Variants in PDE4D observed in about 807,000 individuals in gnomAD.
PDE4D encodes the protein phosphodiesterase 4D.
PDE4D carries 24 observed loss-of-function variants against 87.4 expected under a neutral mutation model. The ratio of observed to expected loss-of-function variants is 0.27; its 90% confidence interval spans 0.20 to 0.39. PDE4D has a LOEUF of 0.39. Among genes scored for constraint, PDE4D ranks in the 10% least tolerant of loss-of-function variants. The probability of loss-of-function intolerance (pLI) is 1.00; values close to 1 mark genes in which losing one functional copy is unlikely to be tolerated. For missense variants in PDE4D, 714 were observed against 1,041.0 expected, an observed-to-expected ratio of 0.69 and a Z score of 4.32; for synonymous variants, 384 against 383.2, an observed-to-expected ratio of 1.00 and a Z score of -0.02.
At chr5:59,885,851 G>GT (rs904315952) in intron 1 of PDE4D, among the ~76,000 whole-genome samples, 2 of 151,852 alleles carry the variant, frequency 1.3e-5, no homozygotes, top group African/African-American at 4.8e-5. Context: ...TATACTCACA[G>GT]TATCTCTTGT....
intron 1 of PDE4D, among the ~76,000 whole-genome samples, chr5:60,315,497 C>T (rs1755482947): frequency 1.3e-5 from 2 of 152,086 alleles, no homozygotes; most frequent in Non-Finnish European, 2.9e-5. Flanking sequence ...TTAACTAGAT[C>T]CCATTTGTCA....
At chr5:59,326,299 AGTTT>A (rs1775648243) in intron 1 of PDE4D, among the ~76,000 whole-genome samples, 1 of 152,148 alleles carries the variant, frequency 6.6e-6, no homozygotes, top group Non-Finnish European at 1.5e-5. Context: ...GTGTTGAGTC[AGTTT>A]GTTTCATTTT....
chr5:59,710,122 C>A (rs149069695), intron 1 of PDE4D, among the ~76,000 whole-genome samples: 5 of 152,090 alleles, frequency 3.3e-5, no homozygotes, highest in Non-Finnish European at 4.4e-5. Context: ...TACAACGAAC[C>A]AGAACTATGC....
intron 1 of PDE4D, among the ~76,000 whole-genome samples, chr5:59,478,790 A>G (rs1803749909): frequency 6.6e-6 from 1 of 152,080 alleles, no homozygotes; most frequent in Non-Finnish European, 1.5e-5. Context: ...AAATATAAGT[A>G]TTAAAAACTA....
At chr5:60,368,567 G>A (rs1224988024) in intron 1 of PDE4D, among the ~76,000 whole-genome samples, 1 of 152,206 alleles carries the variant, frequency 6.6e-6, no homozygotes, top group African/African-American at 2.4e-5. Flanking sequence ...GTGAGGGCCA[G>A]AAGAGGGAAT....
Position 60,263,690 on chromosome 5 carries a change from G to A in PDE4D, c.-89-78003C>T, listed in dbSNP as rs565523546. ...CCAGTTTTGTTATTTTGTCTCCTAT[G>A]AACAACATTCACCCTTATAGAGGCA... is the stretch of plus-strand genomic sequence containing the variant. On this transcript the variant is annotated intron_variant, in intron 1 of 16. Coordinates refer to the PDE4D transcript ENST00000502484. 2.0e-5 allele frequency among the ~76,000 whole-genome samples: 3 copies of A among 152,230 alleles called. No individual in the cohort carries two copies. In the South Asian group the frequency reaches 6.2e-4, roughly 32 times the overall value.
At chr5:60,040,168 G>T (rs879333310) in intron 2 of PDE4D, among the ~76,000 whole-genome samples, 1 of 152,092 alleles carries the variant, frequency 6.6e-6, no homozygotes, top group Non-Finnish European at 1.5e-5. Context: ...TTTGATTAGC[G>T]TCTAAGCAAA....
intron 1 of PDE4D, among the ~76,000 whole-genome samples, chr5:59,762,666 A>T (rs182951115): frequency 9.3e-5 from 12 of 129,464 alleles, no homozygotes; most frequent in African/African-American, 3.5e-4. Context: ...GTATATAGGT[A>T]CGTATGTGTA....
chr5:60,318,403 AATAT>A (rs1755853728), intron 1 of PDE4D, among the ~76,000 whole-genome samples: 1 of 152,086 alleles, frequency 6.6e-6, no homozygotes, highest in Admixed American at 6.5e-5. Context: ...GGGTTTCCTG[AATAT>A]AGCACACTGA....
Position 60,377,405 on chromosome 5 carries a change from T to G in PDE4D, c.-90+110537A>C, listed in dbSNP as rs905341569. 2.6e-5 allele frequency among the ~76,000 whole-genome samples: 4 copies of G among 152,284 alleles called. No individual in the cohort carries two copies. The South Asian group carries it at 6.2e-4, about 24-fold the overall frequency. On this transcript the variant is annotated intron_variant, in intron 1 of 16. Coordinates refer to the PDE4D transcript ENST00000502484. ...TACTGCCATAAATCAGATCAAGGGA[T>G]TGAAGGATTGTTCTACTTTAACCAC...
intron 2 of PDE4D, among the ~76,000 whole-genome samples, chr5:60,096,911 T>C (rs1026385086): frequency 2.0e-5 from 3 of 152,114 alleles, no homozygotes; most frequent in Admixed American, 1.3e-4. Flanking sequence ...CACTCTTCTT[T>C]CTTTTCAGAG....
At chr5:59,780,237 G>T (rs936933333) in intron 1 of PDE4D, among the ~76,000 whole-genome samples, 1 of 152,134 alleles carries the variant, frequency 6.6e-6, no homozygotes, top group African/African-American at 2.4e-5. Flanking sequence ...ATGGTGGCAG[G>T]CACCTGTAAT....
chr5:59,890,806 T>C (rs1175542218), intron 1 of PDE4D, among the ~76,000 whole-genome samples: 3 of 152,256 alleles, frequency 2.0e-5, no homozygotes, highest in Non-Finnish European at 4.4e-5. Flanking sequence ...TAATACCATC[T>C]CATCTCAGTG....
chr5:60,280,325 TAA>T (rs113972870), intron 1 of PDE4D, among the ~76,000 whole-genome samples: 2 of 147,116 alleles, frequency 1.4e-5, no homozygotes, highest in Non-Finnish European at 3.0e-5. Flanking sequence ...TATATATATA[TAA>T]ATATATATAC....
At chr5:59,387,871 G>T (rs1346834120) in intron 1 of PDE4D, among the ~76,000 whole-genome samples, 2 of 151,918 alleles carry the variant, frequency 1.3e-5, no homozygotes, top group Non-Finnish European at 2.9e-5. Flanking sequence ...TCACCCTGAG[G>T]TACAATAGAT....
At chr5:59,698,459 C>G (rs1752112233) in intron 1 of PDE4D, among the ~76,000 whole-genome samples, 1 of 151,796 alleles carries the variant, frequency 6.6e-6, no homozygotes, top group South Asian at 2.1e-4. Context: ...CATGAAGGGT[C>G]AAGCAGAAGG....
intron 1 of PDE4D, among the ~76,000 whole-genome samples, chr5:60,516,258 G>C (rs1750798842): frequency 6.6e-6 from 1 of 152,254 alleles, no homozygotes; most frequent in Admixed American, 6.5e-5. Flanking sequence ...CCAGGGCTCA[G>C]TGTCTTTGAA....
At chr5:58,997,945 T>C (rs1418887388) in intron 6 of PDE4D, among the ~76,000 whole-genome samples, 1 of 152,138 alleles carries the variant, frequency 6.6e-6, no homozygotes, top group Non-Finnish European at 1.5e-5. Flanking sequence ...GTATATTATA[T>C]ATCCTCCCAA....
chr5:60,271,919 T>C (rs1414845545), intron 1 of PDE4D, among the ~76,000 whole-genome samples: 2 of 152,188 alleles, frequency 1.3e-5, no homozygotes, highest in Non-Finnish European at 2.9e-5. Flanking sequence ...GCTTGAACTT[T>C]ACAAAATAAG....
Sources: allele counts gnomAD v4.1 joint callset (sites outside exome capture counted in the v4.1 genomes callset), GRCh38; gene constraint gnomAD v4.1.1; transcripts MANE v1.5; gene names NCBI Gene and HGNC (gene_info 2026-07-23, HGNC 2026-07-21).